TENM2: variants seen among roughly 807,000 people sequenced by gnomAD.
TENM2 encodes teneurin transmembrane protein 2.
In TENM2, 52 loss-of-function variants were observed where a neutral mutation model predicts 245.2. The observed-to-expected ratio is 0.21, with a 90% CI of 0.17 to 0.27. The LOEUF (loss-of-function observed/expected upper bound fraction) is 0.27, where lower values mean the gene tolerates loss of function less well. TENM2 is among the 10% of genes least tolerant of loss of function. The probability of loss-of-function intolerance (pLI) is 1.00; values close to 1 mark genes in which losing one functional copy is unlikely to be tolerated. For synonymous variants in TENM2, 1,363 were observed against 1,438.9 expected (o/e 0.95, Z 1.19); for missense variants, 3,046 against 3,666.8 (o/e 0.83, Z 4.37).
chr5:168,182,300 G>A lies in TENM2; in HGVS notation c.2570-8037G>A, dbSNP rs551837697. 6.6e-5 allele frequency among the ~76,000 whole-genome samples: 10 copies of A among 152,228 alleles called. No individual in the cohort carries two copies. The South Asian group carries it at 2.1e-3, about 32-fold the overall frequency. On this transcript the variant is annotated intron_variant, in intron 13 of 28. Transcript: ENST00000518659. ...AGCAGGCGTAGGGTAAAATGCAAAT[G>A]GAACAGTACCTTTCTCTCGTGGAGA...
chr5:167,512,323 A>G (rs1323629373), intron 2 of TENM2, among the ~76,000 whole-genome samples: 3 of 152,176 alleles, frequency 2.0e-5, no homozygotes, highest in African/African-American at 4.8e-5. Flanking sequence ...GGCATGGCCC[A>G]CACAGCTGTT....
Position 168,259,890 on chromosome 5 carries a change from G to T in TENM2, c.7433-393G>T, listed in dbSNP as rs573182793. Among the ~76,000 whole-genome samples the T allele has an allele frequency of 3.3e-5, 5 of 152,332 alleles. No individual in the cohort carries two copies. The East Asian group carries it at 9.6e-4, about 29-fold the overall frequency. ...CCAGGCACTGCGAAAAGCCTTTTAT[G>T]TGGATTTTCTCCTTTGATCCTCATA... On this transcript the variant is annotated intron_variant, in intron 27 of 28. Transcript: ENST00000518659.
chr5:167,700,028 T>G (rs1420709436), intron 2 of TENM2, among the ~76,000 whole-genome samples: 1 of 152,124 alleles, frequency 6.6e-6, no homozygotes, highest in Non-Finnish European at 1.5e-5. Context: ...AATTTTTACA[T>G]AGCACTTTTG....
the TENM2 span, among the ~76,000 whole-genome samples, chr5:167,056,201 G>T: frequency 2.6e-5 from 4 of 151,668 alleles, no homozygotes; most frequent in Admixed American, 2.6e-4. Context: ...TTGGTTGATG[G>T]ATTATGTTAA....
exon 28 of TENM2, chr5:168,260,328 T>C: frequency 6.2e-7 from 1 of 1,614,034 alleles, no homozygotes; most frequent in Non-Finnish European, 8.5e-7. Context: ...CTTAGCAACA[T>C]CATTCCTGGC....
At chr5:167,300,645 AG>A (rs761395464) in intron 1 of TENM2, among the ~76,000 whole-genome samples, 13 of 151,990 alleles carry the variant, frequency 8.6e-5, no homozygotes, top group Non-Finnish European at 1.3e-4. Context: ...ATTGGCATGG[AG>A]GGGGGTAAGA....
At chr5:168,252,858 A>G (rs1362931967) in intron 27 of TENM2, among the ~76,000 whole-genome samples, 1 of 152,044 alleles carries the variant, frequency 6.6e-6, no homozygotes, top group Non-Finnish European at 1.5e-5. Flanking sequence ...AAAAAAAAAA[A>G]ACAAAAAAGA....
intron 2 of TENM2, among the ~76,000 whole-genome samples, chr5:167,411,573 AGT>A (rs60856762): frequency 0.041 from 5,938 of 144,836 alleles, 210 homozygotes; most frequent in East Asian, 0.2. Context: ...TGTAGGTGAG[AGT>A]GTGTGTGTGT....
At chr5:167,009,361 A>G in the TENM2 span, among the ~76,000 whole-genome samples, 1 of 152,074 alleles carries the variant, frequency 6.6e-6, no homozygotes, top group South Asian at 2.1e-4. Context: ...AGTTTTTTTC[A>G]TATTACTATG....
the TENM2 span, among the ~76,000 whole-genome samples, chr5:167,042,988 G>A: frequency 6.6e-6 from 1 of 152,194 alleles, no homozygotes; most frequent in Non-Finnish European, 1.5e-5. Flanking sequence ...AGGACTTCCA[G>A]TTGGCCAGTG....
At chr5:168,178,444 C>A (rs950136811) in intron 13 of TENM2, among the ~76,000 whole-genome samples, 8 of 152,148 alleles carry the variant, frequency 5.3e-5, no homozygotes, top group African/African-American at 1.9e-4. Context: ...GTTTTTGTAA[C>A]AGCAAAGTGG....
chr5:167,746,242 G>A (rs562940458), intron 2 of TENM2, among the ~76,000 whole-genome samples: 2 of 152,170 alleles, frequency 1.3e-5, no homozygotes, highest in African/African-American at 4.8e-5. Context: ...AAACCCAATG[G>A]CTCACCCTAC....
the TENM2 span, among the ~76,000 whole-genome samples, chr5:167,256,860 G>A: frequency 1.3e-5 from 2 of 152,116 alleles, no homozygotes; most frequent in African/African-American, 2.4e-5. Flanking sequence ...AGAAAGTGGG[G>A]TAGCTACTAC....
At chr5:167,482,783 G>A (rs1360829280) in intron 2 of TENM2, among the ~76,000 whole-genome samples, 2 of 152,074 alleles carry the variant, frequency 1.3e-5, no homozygotes, top group Non-Finnish European at 2.9e-5. Flanking sequence ...TCTCTCATAG[G>A]GCAACAGTTA....
At chr5:167,531,246 G>C (rs1771480088) in intron 2 of TENM2, among the ~76,000 whole-genome samples, 1 of 152,108 alleles carries the variant, frequency 6.6e-6, no homozygotes, top group African/African-American at 2.4e-5. Flanking sequence ...GAAATACTAG[G>C]CCAAGAACTG....
At chr5:168,030,679 G>A (rs902960147) in intron 5 of TENM2, among the ~76,000 whole-genome samples, 5 of 152,142 alleles carry the variant, frequency 3.3e-5, no homozygotes, top group Non-Finnish European at 5.9e-5. Flanking sequence ...CAGGCACAGG[G>A]TTGAAGGTTA....
intron 2 of TENM2, among the ~76,000 whole-genome samples, chr5:167,392,638 TC>T (rs1276442214): frequency 2.0e-5 from 3 of 152,154 alleles, no homozygotes; most frequent in Non-Finnish European, 4.4e-5. Context: ...TTTCTCAGTC[TC>T]CAAAATCATG....
intron 2 of TENM2, among the ~76,000 whole-genome samples, chr5:167,628,936 A>T (rs540829324): frequency 2.6e-5 from 4 of 152,198 alleles, no homozygotes; most frequent in Non-Finnish European, 5.9e-5. Flanking sequence ...CACCTAAAAG[A>T]AGCTTGTCCC....
At chr5:167,647,181 G>A (rs1780019667) in intron 2 of TENM2, among the ~76,000 whole-genome samples, 1 of 152,234 alleles carries the variant, frequency 6.6e-6, no homozygotes, top group African/African-American at 2.4e-5. Context: ...CATAAATATA[G>A]GTATTAGCAC....
Sources: allele counts gnomAD v4.1 joint callset (sites outside exome capture counted in the v4.1 genomes callset), GRCh38; gene constraint gnomAD v4.1.1; transcripts MANE v1.5; gene names NCBI Gene and HGNC (gene_info 2026-07-23, HGNC 2026-07-21).